The following ATXN1 variants were observed in gnomAD, a reference collection of about 807,000 sequenced individuals.
ATXN1 encodes the protein ataxin 1.
ATXN1 carries 8 observed loss-of-function variants against 56.4 expected under a neutral mutation model. That is an observed-to-expected ratio of 0.14 (90% CI 0.08 to 0.26). The LOEUF is 0.26. Among genes scored for constraint, ATXN1 ranks in the 10% least tolerant of loss-of-function variants. The pLI, the probability that ATXN1 is intolerant of heterozygous loss-of-function variation, is 1.00. For synonymous variants in ATXN1, 514 were observed against 494.6 expected, an observed-to-expected ratio of 1.04 and a Z score of -0.52; for missense variants, 987 against 1,106.5, an observed-to-expected ratio of 0.89 and a Z score of 1.53.
Position 16,328,567 on chromosome 6 carries a change from CA to C in ATXN1, c.-160-98del, listed in dbSNP as rs955723771. The C allele has an allele frequency of 3.1e-5, 15 of 476,446 alleles. No individual in the cohort carries two copies. In the Admixed American group the frequency reaches 6.3e-4, roughly 20 times the overall value. 29.5% of individuals were successfully genotyped at this position (476,446 alleles called of 1,614,324 possible). A position where few individuals can be genotyped will look rare whatever the true frequency, so the allele number is the denominator to read the frequency against. The stretch of plus-strand genomic sequence containing the variant: ...CAGAACATGAGCACCGGGGAAAGAA[CA>C]TCTTTGGCAAGATTAAGACTAGGCC... On this transcript the variant is annotated intron_variant, in intron 6 of 7. Coordinates refer to ENST00000436367, the MANE Select transcript of ATXN1 (RefSeq NM_001128164.2). The surrounding 1 kb of genome is among the most constrained non-coding windows in gnomAD (Gnocchi z 6.2).
chr6:16,663,645 T>G (rs1417430481), intron 2 of ATXN1, among the ~76,000 whole-genome samples: 1 of 120,732 alleles, frequency 8.3e-6, no homozygotes, highest in African/African-American at 3.7e-5. Flanking sequence ...GTTTTTTAAT[T>G]TTTTATTTAT....
At chr6:16,550,612 A>G (rs945729297) in intron 4 of ATXN1, among the ~76,000 whole-genome samples, 8 of 152,220 alleles carry the variant, frequency 5.3e-5, no homozygotes, top group African/African-American at 1.9e-4. Flanking sequence ...TAACATAATT[A>G]TTCCCAATTT....
intron 2 of ATXN1, among the ~76,000 whole-genome samples, chr6:16,743,828 AAC>A (rs1386610022): frequency 6.6e-6 from 1 of 152,150 alleles, no homozygotes; most frequent in Non-Finnish European, 1.5e-5. Context: ...TGGAGCAAAA[AAC>A]AGAGTATGGC....
At chr6:16,538,799 C>T (rs1309587289) in intron 4 of ATXN1, among the ~76,000 whole-genome samples, 1 of 152,190 alleles carries the variant, frequency 6.6e-6, no homozygotes, top group Non-Finnish European at 1.5e-5. Flanking sequence ...AATCCTCTCG[C>T]CTCAGCCTCC....
chr6:16,397,910 A>C (rs991980060), intron 6 of ATXN1, among the ~76,000 whole-genome samples: 1 of 152,190 alleles, frequency 6.6e-6, no homozygotes, highest in African/African-American at 2.4e-5. Flanking sequence ...AACTCCTCGC[A>C]ACCATTGCTA....
At chr6:16,590,476 A>G (rs1036157455) in intron 3 of ATXN1, among the ~76,000 whole-genome samples, 6 of 152,172 alleles carry the variant, frequency 3.9e-5, no homozygotes, top group Admixed American at 6.5e-5. Flanking sequence ...AATAATGCAT[A>G]TTAGAGTTTT....
intron 6 of ATXN1, among the ~76,000 whole-genome samples, chr6:16,405,939 C>T (rs541270121): frequency 4.4e-4 from 67 of 152,268 alleles, no homozygotes; most frequent in African/African-American, 1.6e-3. Context: ...GTGGGGTTAA[C>T]TCTGCTCCCT....
chr6:16,761,207 C>T (rs1164589744), intron 1 of ATXN1, 91 bp downstream of exon 1: 2 of 351,788 alleles, frequency 5.7e-6, no homozygotes, highest in South Asian at 3.8e-5. Context: ...CTCGGGAGAT[C>T]GGGGGAGGAG....
At chr6:16,718,623 T>C (rs1243336476) in intron 2 of ATXN1, among the ~76,000 whole-genome samples, 1 of 152,230 alleles carries the variant, frequency 6.6e-6, no homozygotes, top group Admixed American at 6.5e-5. Flanking sequence ...ATTAAATATA[T>C]TATGCTCTTT....
chr6:16,437,558 T>C (rs1759420576), intron 6 of ATXN1, among the ~76,000 whole-genome samples: 1 of 152,224 alleles, frequency 6.6e-6, no homozygotes, highest in African/African-American at 2.4e-5. Flanking sequence ...GGACAACTTA[T>C]AACCTTACTG....
At chr6:16,579,336 T>C (rs973014833) in intron 4 of ATXN1, among the ~76,000 whole-genome samples, 2 of 152,076 alleles carry the variant, frequency 1.3e-5, no homozygotes, top group African/African-American at 4.8e-5. Flanking sequence ...ATAGGTTCTT[T>C]TCCACAGGGA....
chr6:16,463,100 C>T (rs1030810886), intron 6 of ATXN1, among the ~76,000 whole-genome samples: 1 of 152,146 alleles, frequency 6.6e-6, no homozygotes, highest in Non-Finnish European at 1.5e-5. Flanking sequence ...GGGAGTCACT[C>T]AGTTTGCTCC....
chr6:16,545,781 G>A (rs1761804237), intron 4 of ATXN1, among the ~76,000 whole-genome samples: 1 of 152,196 alleles, frequency 6.6e-6, no homozygotes, highest in South Asian at 2.1e-4. Context: ...GTGGCACTTG[G>A]TAGCAAAGAA....
intron 2 of ATXN1, among the ~76,000 whole-genome samples, chr6:16,724,592 G>T (rs951392795): frequency 6.6e-6 from 1 of 152,072 alleles, no homozygotes; most frequent in Admixed American, 6.6e-5. Flanking sequence ...ACTTTCTACG[G>T]GACAACCATT....
intron 7 of ATXN1, among the ~76,000 whole-genome samples, chr6:16,312,946 C>T (rs1760431377): frequency 6.6e-6 from 1 of 152,148 alleles, no homozygotes; most frequent in South Asian, 2.1e-4. Flanking sequence ...GGTACAATCT[C>T]GGCTCACTGC....
At chr6:16,534,585 C>T (rs1482262384) in intron 4 of ATXN1, among the ~76,000 whole-genome samples, 1 of 151,954 alleles carries the variant, frequency 6.6e-6, no homozygotes, top group Non-Finnish European at 1.5e-5. Context: ...TGTCAACATG[C>T]TCCCCAAATT....
intron 2 of ATXN1, among the ~76,000 whole-genome samples, chr6:16,692,157 G>A (rs1759060693): frequency 6.6e-6 from 1 of 152,228 alleles, no homozygotes; most frequent in Non-Finnish European, 1.5e-5. Context: ...TCAGGAGGCT[G>A]AGACAGTAGA....
At chr6:16,349,665 A>G (rs1194713943) in intron 6 of ATXN1, among the ~76,000 whole-genome samples, 1 of 152,174 alleles carries the variant, frequency 6.6e-6, no homozygotes, top group Non-Finnish European at 1.5e-5. Flanking sequence ...AGGCATTTCA[A>G]GTCTTACCGG....
At chr6:16,540,200 A>T (rs1246815647) in intron 4 of ATXN1, among the ~76,000 whole-genome samples, 1 of 152,182 alleles carries the variant, frequency 6.6e-6, no homozygotes, top group Non-Finnish European at 1.5e-5. Flanking sequence ...ACTCTGTGTC[A>T]GTCTCTTAAT....
Sources: allele counts gnomAD v4.1 joint callset (sites outside exome capture counted in the v4.1 genomes callset), GRCh38; gene constraint gnomAD v4.1.1; non-coding constraint Gnocchi (gnomAD v3.1); transcripts MANE v1.5; gene names NCBI Gene and HGNC (gene_info 2026-07-23, HGNC 2026-07-21).